PAPPA2: variants seen among roughly 807,000 people sequenced by gnomAD.
PAPPA2 encodes pappalysin-2.
A neutral mutation model predicts 176.4 loss-of-function variants in PAPPA2; 86 were observed. The ratio of observed to expected loss-of-function variants is 0.49; its 90% CI spans 0.41 to 0.58. The LOEUF (loss-of-function observed/expected upper bound fraction) is 0.58, where lower values mean the gene tolerates loss of function less well. PAPPA2 is among the 20% of genes least tolerant of loss of function. The pLI is 0.00. For missense variants in PAPPA2, 2,073 were observed against 2,256.9 expected, an observed-to-expected ratio of 0.92 and a Z score of 1.65; for synonymous variants, 809 against 852.2, an observed-to-expected ratio of 0.95 and a Z score of 0.88.
intron 7 of PAPPA2, 125 bp from the exon 8 acceptor site, chr1:176,698,975 T>A: frequency 1.6e-6 from 2 of 1,280,118 alleles, no homozygotes; most frequent in Non-Finnish European, 1.1e-6. Context: ...CCTGCTAAGA[T>A]GACCAACTTC....
chr1:176,548,693 G>A (rs1286393025), intron 1 of PAPPA2, among the ~76,000 whole-genome samples: 1 of 152,162 alleles, frequency 6.6e-6, no homozygotes, highest in Non-Finnish European at 1.5e-5. Context: ...ATCTAAAAAT[G>A]GGGATCATAG....
intron 2 of PAPPA2, among the ~76,000 whole-genome samples, chr1:176,564,725 T>TC (rs1553364496): frequency 2.0e-5 from 3 of 150,846 alleles, no homozygotes; most frequent in African/African-American, 4.8e-5. Flanking sequence ...TCCTTTTCTT[T>TC]TTTTTTTTTT....
At chr1:176,482,467 C>T (rs183173566) in intron 1 of PAPPA2, among the ~76,000 whole-genome samples, 10 of 152,292 alleles carry the variant, frequency 6.6e-5, no homozygotes, top group Admixed American at 6.5e-4. Flanking sequence ...TACTATTTTG[C>T]TCTTAACTTT....
intron 21 of PAPPA2, among the ~76,000 whole-genome samples, chr1:176,823,157 C>A (rs1358275692): frequency 1.3e-5 from 2 of 152,184 alleles, no homozygotes; most frequent in African/African-American, 4.8e-5. Context: ...CTTCCTGCCC[C>A]TCCATTCCAG....
intron 1 of PAPPA2, among the ~76,000 whole-genome samples, chr1:176,492,750 ATACCT>A (rs1265525081): frequency 1.3e-5 from 2 of 152,232 alleles, no homozygotes; most frequent in African/African-American, 4.8e-5. Flanking sequence ...AATTATAATA[ATACCT>A]TACATATGGT....
chr1:176,555,231 A>T (rs1651207288), intron 1 of PAPPA2, among the ~76,000 whole-genome samples, 176 bp from the exon 2 acceptor site: 1 of 152,144 alleles, frequency 6.6e-6, no homozygotes, highest in Non-Finnish European at 1.5e-5. Flanking sequence ...CATTGAACTT[A>T]CTAGCTTTGA....
rs979255562 is a variant in PAPPA2 at position 176,818,467 on chromosome 1, G to A, written c.5202+18335G>A. Among the ~76,000 whole-genome samples the A allele has an allele frequency of 2.6e-5, 4 of 152,210 alleles. No individual in the cohort carries two copies. The East Asian group carries it at 5.8e-4, about 22-fold the overall frequency. ...CTGTCAATGGCAACATCTGCCGTCC[G>A]GTTGCTCAGGACAAAATCCTTGATG... On this transcript the variant is annotated intron_variant, in intron 21 of 22. Transcript: ENST00000367662.
intron 14 of PAPPA2, among the ~76,000 whole-genome samples, chr1:176,763,056 T>C (rs1663768092): frequency 6.6e-6 from 1 of 152,220 alleles, no homozygotes; most frequent in African/African-American, 2.4e-5. Context: ...TTCACCCTTT[T>C]GGGGCTAGTG....
At chr1:176,548,507 C>T (rs941828350) in intron 1 of PAPPA2, among the ~76,000 whole-genome samples, 6 of 152,118 alleles carry the variant, frequency 3.9e-5, no homozygotes, top group Non-Finnish European at 7.4e-5. Context: ...ATCACTGAGT[C>T]GTACTTACCA....
chr1:176,588,761 G>T (rs988260685), intron 2 of PAPPA2, among the ~76,000 whole-genome samples: 9 of 152,196 alleles, frequency 5.9e-5, no homozygotes, highest in Non-Finnish European at 1.2e-4. Flanking sequence ...GCTCACTGAG[G>T]TTGGGGCTAT....
chr1:176,793,971 G>A (rs1193960184), intron 20 of PAPPA2, among the ~76,000 whole-genome samples: 1 of 152,126 alleles, frequency 6.6e-6, no homozygotes, highest in African/African-American at 2.4e-5. Context: ...GCGGGTGCCT[G>A]TAGTCCCAGC....
At position 176,556,937 on chromosome 1, in the gene PAPPA2, G is replaced by C; in HGVS notation, c.615G>C (p.Arg205=). 6.2e-7 allele frequency: 1 copy of C among 1,614,114 alleles called. No homozygotes were observed. The highest frequency in any genetic ancestry group is 1.1e-5 in the South Asian group (1 of 91,070). ...SRQRRQVWKR[R]AEDGQGDSGI... ...AGCGTCGCCAAGTGTGGAAGAGGCGGGCGGAAGATGGGCAGGGAGACTCCG... is the reference window on the plus strand; with the variant it reads ...AGCGTCGCCAAGTGTGGAAGAGGCGCGCGGAAGATGGGCAGGGAGACTCCG... The change falls in exon 2 of 23, where the codon CGG becomes CGC. Residue 205 remains arginine, a synonymous_variant. Transcript: ENST00000367662.
intron 1 of PAPPA2, among the ~76,000 whole-genome samples, chr1:176,548,129 A>G (rs990254084): frequency 1.3e-5 from 2 of 152,236 alleles, no homozygotes; most frequent in Non-Finnish European, 2.9e-5. Flanking sequence ...TGTTAAGACT[A>G]TCAGCTCATA....
intron 3 of PAPPA2, among the ~76,000 whole-genome samples, chr1:176,626,711 A>C (rs1656041864): frequency 6.6e-6 from 1 of 152,134 alleles, no homozygotes; most frequent in African/African-American, 2.4e-5. Flanking sequence ...AGGGATGGGG[A>C]AAAGAAGAGT....
chr1:176,640,211 C>CT (rs1253267054), intron 3 of PAPPA2, among the ~76,000 whole-genome samples: 5 of 146,814 alleles, frequency 3.4e-5, no homozygotes, highest in Non-Finnish European at 7.5e-5. Flanking sequence ...TATTATTATA[C>CT]TTTAAGTTTT....
At chr1:176,492,105 G>C (rs990550652) in intron 1 of PAPPA2, among the ~76,000 whole-genome samples, 3 of 152,180 alleles carry the variant, frequency 2.0e-5, no homozygotes, top group African/African-American at 7.2e-5. Context: ...GTGAGGATTT[G>C]CCAATGACAA....
chr1:176,562,643 C>T (rs1367399210), intron 2 of PAPPA2, among the ~76,000 whole-genome samples: 1 of 152,210 alleles, frequency 6.6e-6, no homozygotes, highest in African/African-American at 2.4e-5. Context: ...TGGCCACCTG[C>T]CCTAAGCATG....
At chr1:176,623,629 TACTTTC>T (rs1655750614) in intron 3 of PAPPA2, among the ~76,000 whole-genome samples, 1 of 103,226 alleles carries the variant, frequency 9.7e-6, no homozygotes, top group African/African-American at 3.3e-5. Flanking sequence ...CTTCCTTTTT[TACTTTC>T]TTTCTTTCTT....
intron 14 of PAPPA2, among the ~76,000 whole-genome samples, chr1:176,756,706 CTTA>C (rs756381970): frequency 2.0e-5 from 3 of 151,494 alleles, no homozygotes; most frequent in Admixed American, 6.6e-5. Context: ...AGATAAGACT[CTTA>C]TTATTATTAT....
Sources: gnomAD v4.1 joint callset for allele counts (sites outside exome capture counted in the v4.1 genomes callset) on GRCh38, gnomAD v4.1.1 for gene constraint, MANE v1.5 for transcripts, NCBI Gene and HGNC (gene_info 2026-07-23, HGNC 2026-07-21) for gene names.